Variants in MAP4K5 observed in about 807,000 individuals in gnomAD.
The protein encoded by MAP4K5 is MAPK/ERK kinase kinase kinase 5.
In MAP4K5, 82 loss-of-function variants were observed where a neutral mutation model predicts 135.6. That is an observed-to-expected ratio of 0.60 (90% CI 0.51 to 0.73). The LOEUF (loss-of-function observed/expected upper bound fraction) is 0.73, where lower values mean the gene tolerates loss of function less well. Ranked by LOEUF, MAP4K5 falls within the 30% of genes least tolerant of loss-of-function variation. MAP4K5 has a pLI of 0.00. For missense variants in MAP4K5, 907 were observed against 1,010.9 expected (o/e 0.90, Z 1.39); for synonymous variants, 347 against 335.0 (o/e 1.04, Z -0.39).
chr14:50,490,130 A>AGTGTGTGTGTGTGT (rs34549753), intron 3 of MAP4K5, among the ~76,000 whole-genome samples: 7 of 121,252 alleles, frequency 5.8e-5, no homozygotes, highest in South Asian at 2.8e-4. Flanking sequence ...AGCGAGTGAG[A>AGTGTGTGTGTGTGT]GTGTGTGTGT....
chr14:50,533,336 AT>A (rs1280642164), upstream of MAP4K5: 1 of 151,604 alleles, frequency 6.6e-6, no homozygotes, highest in Non-Finnish European at 1.5e-5. Flanking sequence ...ATTTGGCAAC[AT>A]CTCGGTGTCC....
chr14:50,506,721 TCTA>T (rs137860635), intron 2 of MAP4K5, among the ~76,000 whole-genome samples: 264 of 152,266 alleles, frequency 1.7e-3, no homozygotes, highest in African/African-American at 6.1e-3. Context: ...CCTCACTAAA[TCTA>T]CTGAATAGGG....
Position 50,444,075 on chromosome 14 carries a change from A to G in MAP4K5, c.1340-39T>C. On this transcript the variant is annotated intron_variant, in intron 18 of 32. Transcript: ENST00000682126. ...TGTTAAAAGTTGAATGACCACACAAATAAGCACTTTCCTTGAAAAATTATT... is the reference window on the plus strand; with the variant it reads ...TGTTAAAAGTTGAATGACCACACAAGTAAGCACTTTCCTTGAAAAATTATT... 4 of 1,362,054 alleles carry G rather than the reference A, an allele frequency of 2.9e-6. No homozygotes were observed. In the South Asian group the frequency reaches 3.7e-5, roughly 13 times the overall value. 84.4% of individuals were successfully genotyped at this position (1,362,054 alleles called of 1,614,324 possible). A position where few individuals can be genotyped will look rare whatever the true frequency, so the allele number is the denominator to read the frequency against.
At chr14:50,560,778 G>T (rs1259252977) in intron 1 of MAP4K5, among the ~76,000 whole-genome samples, 2 of 152,070 alleles carry the variant, frequency 1.3e-5, no homozygotes, top group Non-Finnish European at 2.9e-5. Context: ...GCGGGCTCCC[G>T]GCGGCGGGCG....
At chr14:50,475,312 C>T (rs1007676214) in intron 8 of MAP4K5, among the ~76,000 whole-genome samples, 163 bp from the exon 9 acceptor site, 5 of 151,810 alleles carry the variant, frequency 3.3e-5, no homozygotes, top group East Asian at 1.9e-4. Context: ...TCACAACATA[C>T]TTATTAAAAA....
intron 2 of MAP4K5, among the ~76,000 whole-genome samples, chr14:50,521,403 G>A (rs1202039856): frequency 1.3e-5 from 2 of 152,170 alleles, no homozygotes; most frequent in Admixed American, 1.3e-4. Flanking sequence ...CAGTCCTAAG[G>A]TGGCTTGGAA....
intron 14 of MAP4K5, among the ~76,000 whole-genome samples, chr14:50,451,775 TA>T (rs933723539): frequency 2.0e-5 from 3 of 151,906 alleles, no homozygotes; most frequent in African/African-American, 7.3e-5. Flanking sequence ...TACCAATGGT[TA>T]AAAAAAAACA....
At chr14:50,520,858 T>C (rs2140089521) in intron 2 of MAP4K5, among the ~76,000 whole-genome samples, 1 of 149,842 alleles carries the variant, frequency 6.7e-6, no homozygotes, top group South Asian at 2.1e-4. Flanking sequence ...GTTTCACTCT[T>C]GTTGCCCAGG....
In MAP4K5 at chr14:50,432,314, T is replaced by C. The variant is rs570390212; in HGVS notation, c.2164+2080A>G. Among the ~76,000 whole-genome samples the C allele has an allele frequency of 2.6e-5, 4 of 152,320 alleles. No individual in the cohort carries two copies. The South Asian group carries it at 8.3e-4, about 32-fold the overall frequency. On this transcript the variant is annotated intron_variant, in intron 28 of 32. Coordinates refer to ENST00000682126, the MANE Select transcript of MAP4K5 (RefSeq NM_006575.6). ...CACTTGTAAAAATGGGGAAACCTAA[T>C]GAGGACAAAGTGCTGGACTAGAAAG...
intron 1 of MAP4K5, 105 bp from the exon 2 acceptor site, chr14:50,532,263 T>G: frequency 4.1e-6 from 2 of 489,056 alleles, no homozygotes; most frequent in Non-Finnish European, 7.2e-6. Flanking sequence ...CCAGGGGCCG[T>G]GGAAGAGAAA....
intron 3 of MAP4K5, among the ~76,000 whole-genome samples, chr14:50,501,418 A>AT (rs1286347708): frequency 6.6e-6 from 1 of 151,956 alleles, no homozygotes. Context: ...CCCAGCTATA[A>AT]TTTTTTTTAA....
rs569184652 is a variant in MAP4K5, at chr14:50,529,748, TG to T, written c.108+2193del. ...AGGAGGAAGGGAGCAAGCCATATAG[TG>T]GGGGGCGGTGGTGAAGGGGAGACAT... is the stretch of plus-strand genomic sequence containing the variant. On this transcript the variant is annotated intron_variant, in intron 2 of 32. Transcript: ENST00000682126. 2.6e-5 allele frequency among the ~76,000 whole-genome samples: 4 copies of T among 151,510 alleles called. No individual in the cohort carries two copies. In the South Asian group the frequency reaches 8.4e-4, roughly 32 times the overall value.
intron 1 of MAP4K5, 101 bp downstream of exon 1, chr14:50,532,347 G>A (rs1177017628): frequency 9.3e-6 from 3 of 322,144 alleles, no homozygotes; most frequent in Admixed American, 5.1e-5. Flanking sequence ...GGCCGCCCGC[G>A]AACTGCCCGA....
chr14:50,451,774 T>C (rs75074276), intron 14 of MAP4K5, among the ~76,000 whole-genome samples: 2,185 of 152,166 alleles, frequency 0.014, 42 homozygotes, highest in African/African-American at 0.05. Context: ...ATACCAATGG[T>C]TAAAAAAAAA....
At chr14:50,499,526 C>T (rs1265419021) in intron 3 of MAP4K5, among the ~76,000 whole-genome samples, 2 of 151,888 alleles carry the variant, frequency 1.3e-5, no homozygotes, top group Non-Finnish European at 2.9e-5. Context: ...GGTGTGGTGG[C>T]ACATGCCTGT....
chr14:50,447,236 T>C (rs1181610538), intron 16 of MAP4K5, among the ~76,000 whole-genome samples, 178 bp downstream of exon 16: 2 of 152,106 alleles, frequency 1.3e-5, no homozygotes, highest in African/African-American at 2.4e-5. Flanking sequence ...CAAAAACAAA[T>C]AAAAAACCTT....
At chr14:50,483,538 A>G (rs1479892296) in intron 5 of MAP4K5, among the ~76,000 whole-genome samples, 2 of 152,062 alleles carry the variant, frequency 1.3e-5, no homozygotes, top group Non-Finnish European at 2.9e-5. Context: ...AAGTCACTTT[A>G]TTAACAACAT....
rs370457159 is a variant in MAP4K5, at chr14:50,509,694, A to C, written c.109-4837T>G. Among the ~76,000 whole-genome samples, 28 of 152,118 alleles carry C rather than the reference A, an allele frequency of 1.8e-4. 1 individual carries two copies. In the East Asian group the frequency reaches 5.4e-3, roughly 29 times the overall value. On this transcript the variant is annotated intron_variant, in intron 2 of 32. Coordinates refer to ENST00000682126, the MANE Select transcript of MAP4K5 (RefSeq NM_006575.6). ...GAATTAAAAAAAAAAAAACAGATTC[A>C]ATGAACTCTTATTTTAACTCACTTA... is the stretch of plus-strand genomic sequence containing the variant.
At chr14:50,464,544 A>T (rs1390304487) in intron 11 of MAP4K5, among the ~76,000 whole-genome samples, 1 of 152,224 alleles carries the variant, frequency 6.6e-6, no homozygotes, top group East Asian at 1.9e-4. Flanking sequence ...TAAATCCCAA[A>T]GAGGCTGATG....
Sources: gnomAD v4.1 joint callset for allele counts (sites outside exome capture counted in the v4.1 genomes callset) on GRCh38, gnomAD v4.1.1 for gene constraint, MANE v1.5 for transcripts, NCBI Gene and HGNC (gene_info 2026-07-23, HGNC 2026-07-21) for gene names.